The following RIF1 variants were observed in gnomAD, a reference collection of about 807,000 sequenced individuals.
RIF1 encodes telomere-associated protein RIF1.
In RIF1, 45 loss-of-function variants were observed where a neutral mutation model predicts 247.1. The ratio of observed to expected loss-of-function variants is 0.18; its 90% confidence interval spans 0.14 to 0.23. The LOEUF (loss-of-function observed/expected upper bound fraction) is 0.23, where lower values mean the gene tolerates loss of function less well. Among genes scored for constraint, RIF1 ranks in the 10% least tolerant of loss-of-function variants. RIF1 has a pLI of 1.00. For missense variants in RIF1, 2,967 were observed against 2,862.5 expected, an observed-to-expected ratio of 1.04 and a Z score of -0.83; for synonymous variants, 1,087 against 978.8, an observed-to-expected ratio of 1.11 and a Z score of -2.06.
chr2:151,506,523 T>C (rs2069031775), intron 13 of RIF1: 8 of 449,668 alleles, frequency 1.8e-5, no homozygotes, highest in South Asian at 4.2e-5. Context: ...CCAGGAAATG[T>C]TGATTAACAA....
chr2:151,466,202 C>A, intron 30 of RIF1, 82 bp downstream of exon 30: 1 of 707,182 alleles, frequency 1.4e-6, no homozygotes, highest in Non-Finnish European at 2.4e-6. Flanking sequence ...TGGTGAATGA[C>A]AAAATATTAC....
At chr2:151,531,906 G>A in the RIF1 span, 4 of 1,546,704 alleles carry the variant, frequency 2.6e-6, no homozygotes, top group African/African-American at 4.1e-5. Context: ...TCTAAATTGT[G>A]GAAGAGAAGA....
At chr2:151,524,062 A>AAGAT in the RIF1 span, among the ~76,000 whole-genome samples, 1 of 152,170 alleles carries the variant, frequency 6.6e-6, no homozygotes, top group African/African-American at 2.4e-5. Context: ...TTGTCACATA[A>AAGAT]AGATAGTTAA....
intron 6 of RIF1, among the ~76,000 whole-genome samples, chr2:151,419,905 C>T (rs1261495816): frequency 1.3e-5 from 2 of 152,096 alleles, no homozygotes; most frequent in African/African-American, 2.4e-5. Flanking sequence ...TCATATTGGA[C>T]TTGAGCATTA....
intron 33 of RIF1, among the ~76,000 whole-genome samples, chr2:151,469,037 T>G (rs1392076411): frequency 6.6e-6 from 1 of 152,204 alleles, no homozygotes; most frequent in African/African-American, 2.4e-5. Flanking sequence ...AATATGAATA[T>G]CATTTCTACT....
At chr2:151,516,167 A>G in the RIF1 span, among the ~76,000 whole-genome samples, 3 of 152,198 alleles carry the variant, frequency 2.0e-5, no homozygotes, top group Admixed American at 6.5e-5. Context: ...TTCATAAAGG[A>G]AAATCCAAAT....
chr2:151,513,139 A>C, the RIF1 span, among the ~76,000 whole-genome samples: 1 of 152,242 alleles, frequency 6.6e-6, no homozygotes, highest in African/African-American at 2.4e-5. Flanking sequence ...GGAGGATGAC[A>C]AATAAGCAAA....
At chr2:151,456,488 CT>C in intron 22 of RIF1, 89 bp from the exon 23 acceptor site, 1 of 716,190 alleles carries the variant, frequency 1.4e-6, no homozygotes, top group Middle Eastern at 2.7e-4. Context: ...TTTATTATGT[CT>C]TTATTACCTT....
At chr2:151,509,027 TAGGGCTG>T (rs563284532), downstream of RIF1, among the ~76,000 whole-genome samples, 124 of 152,348 alleles carry the variant, frequency 8.1e-4, no homozygotes, top group East Asian at 0.016. Context: ...TTTTAGTTTG[TAGGGCTG>T]AGGGCTGAGG....
the RIF1 span, chr2:151,524,645 A>G: frequency 3.6e-6 from 3 of 838,910 alleles, no homozygotes; most frequent in Admixed American, 6.9e-5. Flanking sequence ...TGTTTACTCA[A>G]GAGAGAGGCT....
chr2:151,514,136 A>C, the RIF1 span, among the ~76,000 whole-genome samples: 1 of 152,254 alleles, frequency 6.6e-6, no homozygotes, highest in Non-Finnish European at 1.5e-5. Flanking sequence ...TACAATATCC[A>C]TTCATCAGAA....
chr2:151,524,627 GA>G, the RIF1 span: 2 of 1,305,460 alleles, frequency 1.5e-6, no homozygotes, highest in Admixed American at 1.7e-5. Context: ...CTTTATTGGG[GA>G]AGAAAATGTT....
chr2:151,504,147 A>T (rs1006714574), intron 12 of RIF1, among the ~76,000 whole-genome samples: 1 of 152,170 alleles, frequency 6.6e-6, no homozygotes, highest in Non-Finnish European at 1.5e-5. Context: ...TTTTCAGCCT[A>T]AAGGACTGAA....
chr2:151,432,598 T>C (rs913793946), intron 9 of RIF1, among the ~76,000 whole-genome samples: 2 of 152,226 alleles, frequency 1.3e-5, no homozygotes, highest in Admixed American at 6.5e-5. Context: ...AATGTAAACA[T>C]ATGCTTCCGT....
At position 151,460,855 on chromosome 2, in the gene RIF1, C is replaced by G. The variant is rs71415138; in HGVS notation, c.3076-283C>G. Among the ~76,000 whole-genome samples the G allele has an allele frequency of 5.5e-3, 833 of 152,328 alleles. 8 individuals are homozygous for G. Among genetic ancestry groups the G allele is most frequent in the Non-Finnish European group, 7.2e-3 (489 of 68,020 alleles). ...ATACTCTCCTCCTGCCAAATCAGTT[C>G]ATTTCCATGTGTTAGCCTGACAGAC... is the stretch of plus-strand genomic sequence containing the variant. On this transcript the variant is annotated intron_variant, in intron 26 of 35. Coordinates refer to ENST00000444746, the MANE Select transcript of RIF1 (RefSeq NM_018151.5).
intron 21 of RIF1, among the ~76,000 whole-genome samples, 177 bp downstream of exon 21, chr2:151,451,882 A>G (rs557869063): frequency 6.6e-6 from 1 of 151,862 alleles, no homozygotes; most frequent in East Asian, 1.9e-4. Context: ...TTTCTTTTTA[A>G]TTTTCATATG....
At chr2:151,499,935 CTG>C (rs2063162576) in intron 11 of RIF1, among the ~76,000 whole-genome samples, 1 of 152,064 alleles carries the variant, frequency 6.6e-6, no homozygotes, top group Admixed American at 6.5e-5. Context: ...TAAATGCAAT[CTG>C]TGTAAAAATT....
intron 12 of RIF1, 108 bp from the exon 13 acceptor site, chr2:151,437,128 CTTTTT>C: frequency 8.2e-7 from 1 of 1,214,004 alleles, no homozygotes; most frequent in Non-Finnish European, 1.2e-6. Flanking sequence ...AAATATGAAT[CTTTTT>C]TTTATAGAAA....
At chr2:151,422,244 A>G (rs1248810996) in intron 7 of RIF1, among the ~76,000 whole-genome samples, 1 of 152,116 alleles carries the variant, frequency 6.6e-6, no homozygotes, top group Non-Finnish European at 1.5e-5. Flanking sequence ...GAAGCTATTA[A>G]TGTATTTTTT....
Sources: gnomAD v4.1 joint callset for allele counts (sites outside exome capture counted in the v4.1 genomes callset) on GRCh38, gnomAD v4.1.1 for gene constraint, MANE v1.5 for transcripts, NCBI Gene and HGNC (gene_info 2026-07-23, HGNC 2026-07-21) for gene names.